CPNE4: variants seen among roughly 807,000 people sequenced by gnomAD.
CPNE4 encodes the protein copine 4, also known as copine-4.
Under a neutral mutation model 67.9 loss-of-function variants are expected in CPNE4, and 25 were observed. The ratio of observed to expected loss-of-function variants is 0.37; its 90% CI spans 0.27 to 0.51. CPNE4 has a LOEUF of 0.51. CPNE4 is among the 20% of genes least tolerant of loss of function. The pLI is 0.93. For synonymous variants in CPNE4, 242 were observed against 244.9 expected, an observed-to-expected ratio of 0.99 and a Z score of 0.11; for missense variants, 464 against 690.8, an observed-to-expected ratio of 0.67 and a Z score of 3.68.
rs371084179 is a variant in CPNE4 at position 131,688,960 on chromosome 3, C to T, written c.508-3002G>A. ...TATTTACATGTTGTATATTACAATG[C>T]TTTTTCTATTTTATTTCACATTCTT... On this transcript the variant is annotated intron_variant, in intron 5 of 15. Coordinates refer to ENST00000429747, the MANE Select transcript of CPNE4 (RefSeq NM_130808.3). 1.1e-4 allele frequency among the ~76,000 whole-genome samples: 16 copies of T among 152,148 alleles called. No individual in the cohort carries two copies. The East Asian group carries it at 2.9e-3, about 27-fold the overall frequency.
intron 2 of CPNE4, among the ~76,000 whole-genome samples, chr3:131,854,621 T>C (rs1287318716): frequency 6.6e-6 from 1 of 151,912 alleles, no homozygotes; most frequent in African/African-American, 2.4e-5. Flanking sequence ...AACCAACATT[T>C]TCACTGTCAT....
chr3:131,747,867 C>G (rs1171341676), intron 2 of CPNE4, among the ~76,000 whole-genome samples: 1 of 152,070 alleles, frequency 6.6e-6, no homozygotes, highest in East Asian at 1.9e-4. Context: ...ATTGTTCTGG[C>G]TAGATACTCT....
intron 1 of CPNE4, among the ~76,000 whole-genome samples, chr3:132,004,552 A>T (rs1037941612): frequency 6.6e-6 from 1 of 152,138 alleles, no homozygotes; most frequent in African/African-American, 2.4e-5. Flanking sequence ...TAACAATCTG[A>T]TGAAAAAGGT....
At chr3:131,906,429 A>G (rs1302248184) in intron 1 of CPNE4, among the ~76,000 whole-genome samples, 65 of 99,870 alleles carry the variant, frequency 6.5e-4, no homozygotes, top group Middle Eastern at 0.016. Context: ...AACAGTCCCC[A>G]GAGTATGATG....
chr3:131,986,321 G>A (rs895488398), intron 1 of CPNE4, among the ~76,000 whole-genome samples: 7 of 152,152 alleles, frequency 4.6e-5, no homozygotes, highest in Non-Finnish European at 8.8e-5. Flanking sequence ...TGATGTCATT[G>A]AATAATTTGA....
chr3:131,588,154 G>C (rs1416865348), intron 7 of CPNE4, among the ~76,000 whole-genome samples: 1 of 152,100 alleles, frequency 6.6e-6, no homozygotes, highest in Non-Finnish European at 1.5e-5. Flanking sequence ...GTGAAAAATG[G>C]TTGGAAAATA....
chr3:131,723,509 G>A lies in CPNE4; in HGVS notation c.297C>T (p.Ser99=). Residue 99 remains serine (S), a synonymous_variant, in exon 3 of 16, where the codon AGC becomes AGT. Transcript: ENST00000429747. ...QRLRFEVHDI[S]SNHNGLKEAD... ...CCTCCTTCAGCCCATTGTGGTTGCT[G>A]CTGATGTCATGGACTTCAAACCGCA... 1 of 1,613,940 alleles carries A rather than the reference G, an allele frequency of 6.2e-7. No individual in the cohort carries two copies.
At chr3:131,991,440 G>A (rs1043508835) in intron 1 of CPNE4, among the ~76,000 whole-genome samples, 2 of 136,128 alleles carry the variant, frequency 1.5e-5, no homozygotes, top group African/African-American at 4.9e-5. Context: ...TGGAGCATAG[G>A]TGACTCTTTC....
chr3:131,573,132 A>G (rs76597359), intron 10 of CPNE4, among the ~76,000 whole-genome samples: 2,891 of 152,196 alleles, frequency 0.019, 36 homozygotes, highest in East Asian at 0.037. Context: ...ATACCTAGCA[A>G]TTCTCTTCTG....
At chr3:131,633,749 T>G (rs1012299180) in intron 7 of CPNE4, among the ~76,000 whole-genome samples, 1 of 151,480 alleles carries the variant, frequency 6.6e-6, no homozygotes, top group East Asian at 1.9e-4. Flanking sequence ...AAGCCAAATG[T>G]TCAATGTAAC....
intron 2 of CPNE4, among the ~76,000 whole-genome samples, chr3:131,734,666 C>T (rs1202979818): frequency 1.3e-5 from 2 of 152,064 alleles, no homozygotes; most frequent in Non-Finnish European, 2.9e-5. Context: ...CAGCCAGATC[C>T]CTTGAGCCCA....
chr3:131,827,018 TGACAGTAA>T (rs1248058802), intron 2 of CPNE4, among the ~76,000 whole-genome samples: 2 of 151,628 alleles, frequency 1.3e-5, no homozygotes, highest in African/African-American at 4.9e-5. Flanking sequence ...CCATCCTGGG[TGACAGTAA>T]GACCTGACTC....
chr3:131,657,368 G>T lies in CPNE4; in HGVS notation c.681+12307C>A, dbSNP rs115945227. 3.7e-3 allele frequency among the ~76,000 whole-genome samples: 562 copies of T among 152,182 alleles called. 5 individuals are homozygous for T. The highest frequency in any genetic ancestry group is 0.013 in the African/African-American group (524 of 41,506). ...CTTATTGGTTACCTCATCAATTAAT[G>T]AGTTGAATAAAATTTTTGATACATA... On this transcript the variant is annotated intron_variant, in intron 7 of 15. Transcript: ENST00000429747.
At chr3:131,857,217 G>A (rs1212518297) in intron 2 of CPNE4, among the ~76,000 whole-genome samples, 1 of 151,976 alleles carries the variant, frequency 6.6e-6, no homozygotes, top group Non-Finnish European at 1.5e-5. Context: ...TTTTAAAAGT[G>A]TATTCAAGGA....
At chr3:131,971,735 C>A (rs2072509668) in intron 1 of CPNE4, among the ~76,000 whole-genome samples, 1 of 152,224 alleles carries the variant, frequency 6.6e-6, no homozygotes, top group East Asian at 1.9e-4. Context: ...GGCAGGGAAG[C>A]AAAGACCAAC....
intron 1 of CPNE4, among the ~76,000 whole-genome samples, chr3:132,008,434 T>C (rs548279891): frequency 3.3e-5 from 5 of 152,332 alleles, no homozygotes; most frequent in Non-Finnish European, 2.9e-5. Flanking sequence ...TGCCATAATA[T>C]AGCTATTATT....
At chr3:131,541,587 T>A (rs1935491676) in intron 15 of CPNE4, among the ~76,000 whole-genome samples, 1 of 152,100 alleles carries the variant, frequency 6.6e-6, no homozygotes, top group African/African-American at 2.4e-5. Context: ...TTTTTTTTTT[T>A]TTTACCCTCT....
At chr3:131,594,737 A>ATTATAATT (rs1938739826) in intron 7 of CPNE4, among the ~76,000 whole-genome samples, 1 of 152,260 alleles carries the variant, frequency 6.6e-6, no homozygotes, top group African/African-American at 2.4e-5. Context: ...ACAGAAAGGA[A>ATTATAATT]ATAATCAACA....
chr3:131,952,510 G>A (rs1305178066), intron 1 of CPNE4, among the ~76,000 whole-genome samples: 7 of 98,448 alleles, frequency 7.1e-5, no homozygotes, highest in Admixed American at 1.9e-4. Context: ...CGCCCCATCC[G>A]GGAGGGAGGT....
Sources: allele counts gnomAD v4.1 joint callset (sites outside exome capture counted in the v4.1 genomes callset), GRCh38; gene constraint gnomAD v4.1.1; transcripts MANE v1.5; gene names NCBI Gene and HGNC (gene_info 2026-07-23, HGNC 2026-07-21).